GRID2: variants seen among roughly 807,000 people sequenced by gnomAD.
GRID2 encodes glutamate receptor ionotropic, delta-2.
Under a neutral mutation model 114.8 loss-of-function variants are expected in GRID2, and 33 were observed. That is an observed-to-expected ratio of 0.29 (90% confidence interval 0.22 to 0.38). The LOEUF (loss-of-function observed/expected upper bound fraction) is 0.38. GRID2 is among the 10% of genes least tolerant of loss of function. The probability of loss-of-function intolerance (pLI) is 1.00; values close to 1 mark genes in which losing one functional copy is unlikely to be tolerated. For missense variants in GRID2, 1,184 were observed against 1,257.7 expected, an observed-to-expected ratio of 0.94 and a Z score of 0.89; for synonymous variants, 505 against 449.9, an observed-to-expected ratio of 1.12 and a Z score of -1.55.
At chr4:92,941,076 G>C (rs1751085367) in intron 2 of GRID2, among the ~76,000 whole-genome samples, 1 of 152,146 alleles carries the variant, frequency 6.6e-6, no homozygotes, top group African/African-American at 2.4e-5. Flanking sequence ...GATGATGCTG[G>C]CCTCATAAAA....
At chr4:92,495,396 G>T (rs1033123337) in intron 1 of GRID2, among the ~76,000 whole-genome samples, 3 of 151,978 alleles carry the variant, frequency 2.0e-5, no homozygotes, top group African/African-American at 7.2e-5. Context: ...AAATAAGGTA[G>T]AGGATCTCTT....
At chr4:92,738,354 T>A (rs2149329373) in intron 2 of GRID2, among the ~76,000 whole-genome samples, 1 of 151,760 alleles carries the variant, frequency 6.6e-6, no homozygotes, top group African/African-American at 2.4e-5. Flanking sequence ...AGCTAACTTT[T>A]AGCTTATTCG....
chr4:93,382,662 T>C (rs1201028863), intron 8 of GRID2, among the ~76,000 whole-genome samples: 1 of 152,090 alleles, frequency 6.6e-6, no homozygotes, highest in African/African-American at 2.4e-5. Context: ...TTTAGTTCTT[T>C]GAGCATCTTT....
intron 1 of GRID2, among the ~76,000 whole-genome samples, chr4:93,794,794 C>T (rs756010328): frequency 1.3e-5 from 2 of 152,232 alleles, no homozygotes; most frequent in African/African-American, 4.8e-5. Context: ...CCCCTTCTCT[C>T]CTCACAATTC....
intron 2 of GRID2, among the ~76,000 whole-genome samples, chr4:92,641,176 G>C (rs971785907): frequency 4.0e-5 from 6 of 151,636 alleles, no homozygotes; most frequent in African/African-American, 1.5e-4. Flanking sequence ...GAACATACCT[G>C]AATCTCTCAA....
chr4:93,604,058 G>T (rs540439275), intron 13 of GRID2, among the ~76,000 whole-genome samples: 1 of 152,140 alleles, frequency 6.6e-6, no homozygotes, highest in African/African-American at 2.4e-5. Flanking sequence ...CTTATTATTT[G>T]AGAAATATAT....
At chr4:93,457,768 G>T (rs1348371952) in intron 11 of GRID2, among the ~76,000 whole-genome samples, 1 of 152,026 alleles carries the variant, frequency 6.6e-6, no homozygotes, top group Non-Finnish European at 1.5e-5. Context: ...TTTTTGAATA[G>T]AAAATTATGT....
intron 2 of GRID2, among the ~76,000 whole-genome samples, chr4:92,988,850 G>T (rs931209611): frequency 2.0e-5 from 3 of 152,130 alleles, no homozygotes; most frequent in African/African-American, 7.2e-5. Context: ...GAACTGTAAG[G>T]TCTAAAGAGA....
chr4:92,869,342 G>A (rs904924225), intron 2 of GRID2, among the ~76,000 whole-genome samples: 5 of 152,156 alleles, frequency 3.3e-5, no homozygotes, highest in African/African-American at 1.2e-4. Context: ...AGTCATATGT[G>A]AGGCAGTACC....
At chr4:92,887,331 C>T (rs1329476459) in intron 2 of GRID2, among the ~76,000 whole-genome samples, 1 of 152,162 alleles carries the variant, frequency 6.6e-6, no homozygotes. Context: ...ACTAGAAAAG[C>T]AGACATTAGA....
intron 13 of GRID2, among the ~76,000 whole-genome samples, chr4:93,553,336 G>T (rs978074116): frequency 6.6e-6 from 1 of 152,136 alleles, no homozygotes; most frequent in Non-Finnish European, 1.5e-5. Context: ...CTGGTGAGAG[G>T]TGGTATCTCA....
chr4:92,778,649 A>T (rs1738920669), intron 2 of GRID2, among the ~76,000 whole-genome samples: 1 of 152,144 alleles, frequency 6.6e-6, no homozygotes, highest in Non-Finnish European at 1.5e-5. Context: ...GCATTTCACA[A>T]ATTGGCAATA....
Position 93,804,099 on chromosome 4 carries a change from C to T in GRID2, c.222-2616C>T, listed in dbSNP as rs1054792378. On this transcript the variant is annotated intron_variant, in intron 1 of 1. Transcript: ENST00000637838. Reference sequence around the variant, plus strand: ...CCAGCCTGAAGGTCAGTGTCATCTACCATGATGCCCCTGAATGTCAAGGTG... The same window carrying T: ...CCAGCCTGAAGGTCAGTGTCATCTATCATGATGCCCCTGAATGTCAAGGTG... Among the ~76,000 whole-genome samples the T allele has an allele frequency of 4.6e-5, 7 of 152,258 alleles. No homozygotes were observed. The East Asian group carries it at 1.4e-3, about 30-fold the overall frequency.
intron 2 of GRID2, among the ~76,000 whole-genome samples, chr4:92,679,203 G>C (rs1733528301): frequency 6.6e-6 from 1 of 151,966 alleles, no homozygotes; most frequent in Admixed American, 6.6e-5. Context: ...GATTCAACCA[G>C]TATGGTCTTT....
chr4:93,333,171 G>C (rs1758681718), intron 8 of GRID2, among the ~76,000 whole-genome samples: 1 of 135,008 alleles, frequency 7.4e-6, no homozygotes, highest in South Asian at 2.2e-4. Flanking sequence ...AAAGCCTTCT[G>C]ATATGTTTTT....
At chr4:92,648,508 A>G (rs1475883815) in intron 2 of GRID2, among the ~76,000 whole-genome samples, 1 of 149,832 alleles carries the variant, frequency 6.7e-6, no homozygotes, top group African/African-American at 2.5e-5. Context: ...TGTATCGAGC[A>G]TGGCTGTTAA....
intron 2 of GRID2, among the ~76,000 whole-genome samples, chr4:92,720,866 A>G (rs1204640017): frequency 2.0e-5 from 3 of 152,152 alleles, no homozygotes; most frequent in Non-Finnish European, 4.4e-5. Context: ...TGTTCATAGC[A>G]GCATTATTTA....
rs527713323 is a variant in GRID2 at position 93,066,912 on chromosome 4, A to G, written c.245-18083A>G. Among the ~76,000 whole-genome samples the G allele has an allele frequency of 3.3e-5, 5 of 152,128 alleles. No individual in the cohort carries two copies. In the Admixed American group the frequency reaches 3.3e-4, roughly 10 times the overall value. On this transcript the variant is annotated intron_variant, in intron 2 of 15. Transcript: ENST00000282020. ...CTGTCTTATAACCCAGATGGCTACT[A>G]TGTGGCTAATGGGTAGGTAGCATGT...
chr4:93,668,280 T>A (rs922158933), intron 14 of GRID2, among the ~76,000 whole-genome samples: 1 of 152,080 alleles, frequency 6.6e-6, no homozygotes. Flanking sequence ...TTTAAGACTA[T>A]GATACCATGA....
Sources: allele counts gnomAD v4.1 joint callset (sites outside exome capture counted in the v4.1 genomes callset), GRCh38; gene constraint gnomAD v4.1.1; transcripts MANE v1.5; gene names NCBI Gene and HGNC (gene_info 2026-07-23, HGNC 2026-07-21).